Variants in SLC25A28 observed in about 807,000 individuals in gnomAD.
The protein encoded by SLC25A28 is solute carrier family 25 member 28.
A neutral mutation model predicts 31.9 loss-of-function variants in SLC25A28; 10 were observed. The observed-to-expected ratio is 0.31, with a 90% confidence interval of 0.19 to 0.53. The LOEUF is 0.53. Among genes scored for constraint, SLC25A28 ranks in the 20% least tolerant of loss-of-function variants. The pLI, the probability that SLC25A28 is intolerant of heterozygous loss-of-function variation, is 0.95. For missense variants in SLC25A28, 256 were observed against 490.3 expected, an observed-to-expected ratio of 0.52 and a Z score of 4.51; for synonymous variants, 208 against 203.6, an observed-to-expected ratio of 1.02 and a Z score of -0.19.
rs902176194 is a variant in SLC25A28, at chr10:99,611,958, C to T, written c.577+585G>A. Among the ~76,000 whole-genome samples the T allele has an allele frequency of 6.6e-6, 1 of 152,210 alleles. No individual in the cohort carries two copies. The highest frequency in any genetic ancestry group is 1.5e-5 in the Non-Finnish European group (1 of 68,032). On this transcript the variant is annotated intron_variant, in intron 3 of 3. Coordinates refer to ENST00000370495, the MANE Select transcript of SLC25A28 (RefSeq NM_031212.4). The surrounding 1 kb of genome is among the most constrained non-coding windows in gnomAD (Gnocchi z 5.5). ...GCTTCAGCTTAGCTTTGGCTCTTTCCACCCCATGGCCTTGCCCAGACAGAA... is the reference window on the plus strand; with the variant it reads ...GCTTCAGCTTAGCTTTGGCTCTTTCTACCCCATGGCCTTGCCCAGACAGAA...
upstream of SLC25A28, chr10:99,622,815 C>CAT (rs1221900962): frequency 2.2e-4 from 96 of 432,914 alleles, no homozygotes; most frequent in Non-Finnish European, 2.7e-4. Context: ...ATCTTTATTT[C>CAT]CCTTATTGCA....
the SLC25A28 span, chr10:99,652,137 CAT>C: frequency 1.7e-4 from 26 of 152,178 alleles, no homozygotes; most frequent in Non-Finnish European, 3.1e-4. Context: ...GCGTTCTTAT[CAT>C]GTGTGTACAT....
chr10:99,648,770 A>C, the SLC25A28 span, among the ~76,000 whole-genome samples: 5 of 150,040 alleles, frequency 3.3e-5, no homozygotes, highest in Admixed American at 3.3e-4. Flanking sequence ...TGTTGTATAG[A>C]AACACTACTG....
the SLC25A28 span, among the ~76,000 whole-genome samples, chr10:99,631,897 T>A: frequency 1.7e-4 from 19 of 114,920 alleles, 1 homozygote; most frequent in South Asian, 6.6e-4. Flanking sequence ...TTTTATTTTT[T>A]TTTTTTTTTT....
chr10:99,624,310 G>A (rs1296721986), upstream of SLC25A28, among the ~76,000 whole-genome samples: 1 of 147,766 alleles, frequency 6.8e-6, no homozygotes, highest in Non-Finnish European at 1.5e-5. Context: ...GCCCAAAATG[G>A]TCTTAGAACT....
intron 1 of SLC25A28, chr10:99,618,543 G>C (rs2034708658): frequency 1.0e-6 from 1 of 985,226 alleles, no homozygotes; most frequent in African/African-American, 1.7e-5. Flanking sequence ...TATAATGTGT[G>C]CATCTTTTTT....
intron 1 of SLC25A28, chr10:99,615,545 GGTTA>G (rs1168807782): frequency 3.0e-6 from 3 of 985,288 alleles, no homozygotes; most frequent in Non-Finnish European, 3.6e-6. Flanking sequence ...AAGCTTAAAA[GGTTA>G]GTTACTGGAT....
intron 1 of SLC25A28, chr10:99,618,240 T>C (rs1374339232): frequency 2.1e-6 from 2 of 962,932 alleles, no homozygotes; most frequent in Non-Finnish European, 2.5e-6. Context: ...TGTAAATATA[T>C]GGAGTAAGGA....
At chr10:99,618,432 C>T in intron 1 of SLC25A28, 1 of 985,450 alleles carries the variant, frequency 1.0e-6, no homozygotes, top group Non-Finnish European at 1.2e-6. Context: ...GCACTCTACT[C>T]ACAGTCTAAG....
the SLC25A28 span, among the ~76,000 whole-genome samples, chr10:99,634,368 G>T: frequency 2.0e-5 from 3 of 152,138 alleles, no homozygotes; most frequent in African/African-American, 7.2e-5. Context: ...CCAGAGAAAG[G>T]TGAAGCCCAG....
chr10:99,654,568 A>G, the SLC25A28 span, among the ~76,000 whole-genome samples: 1 of 152,016 alleles, frequency 6.6e-6, no homozygotes, highest in Non-Finnish European at 1.5e-5. Context: ...AGGCAGGAGG[A>G]TTGCTTGAGC....
intron 3 of SLC25A28, 110 bp downstream of exon 3, chr10:99,612,433 G>T: frequency 7.8e-7 from 1 of 1,279,188 alleles, no homozygotes; most frequent in Non-Finnish European, 1.1e-6. Flanking sequence ...CCCTCTAGTG[G>T]TAAAACAAGG....
chr10:99,645,246 T>C, the SLC25A28 span, among the ~76,000 whole-genome samples: 1 of 152,198 alleles, frequency 6.6e-6, no homozygotes, highest in Non-Finnish European at 1.5e-5. Context: ...GGAGGCTTTG[T>C]TAGTGGCTTT....
Position 99,613,577 on chromosome 10 carries a change from T to A in SLC25A28, c.520+119A>T. 1 of 1,543,726 alleles carries A rather than the reference T, an allele frequency of 6.5e-7. No individual in the cohort carries two copies. Among genetic ancestry groups the A allele is most frequent in the Non-Finnish European group, 8.7e-7 (1 of 1,145,464 alleles). On this transcript the variant is annotated intron_variant, in intron 2 of 3. Coordinates refer to ENST00000370495, the MANE Select transcript of SLC25A28 (RefSeq NM_031212.4). This position sits in a 1 kb window ranked among gnomAD's most constrained non-coding sequence, Gnocchi z 4.9. ...AGGTTTGGAAGTCCCTCCCTTATAA[T>A]CTGGCCTATCCCAGCCCAAAGCTTC...
At chr10:99,622,495 C>A (rs4919369), upstream of SLC25A28, among the ~76,000 whole-genome samples, 129,993 of 152,166 alleles carry the variant, frequency 0.85, 55,627 homozygotes, top group Middle Eastern at 0.92. Flanking sequence ...GACCTATCCA[C>A]CTCTATGTCC....
chr10:99,612,924 C>A (rs1453293750), intron 2 of SLC25A28, among the ~76,000 whole-genome samples: 2 of 152,178 alleles, frequency 1.3e-5, no homozygotes, highest in Admixed American at 1.3e-4. Flanking sequence ...CTAGGGATGC[C>A]AGCACATCAC....
chr10:99,635,553 C>T, the SLC25A28 span, among the ~76,000 whole-genome samples: 1 of 152,086 alleles, frequency 6.6e-6, no homozygotes, highest in Non-Finnish European at 1.5e-5. Context: ...TAGCACACAC[C>T]TGTAGTTCCA....
the SLC25A28 span, among the ~76,000 whole-genome samples, chr10:99,633,186 G>A: frequency 2.6e-5 from 4 of 151,860 alleles, no homozygotes; most frequent in African/African-American, 4.8e-5. Flanking sequence ...GAATCCCCAA[G>A]TTATCTGTGT....
chr10:99,621,905 A>G (rs1003464040), upstream of SLC25A28: 1 of 152,154 alleles, frequency 6.6e-6, no homozygotes, highest in African/African-American at 2.4e-5. Context: ...AAAACTACGA[A>G]TTCTCTTCTC....
Sources: allele counts gnomAD v4.1 joint callset (sites outside exome capture counted in the v4.1 genomes callset), GRCh38; gene constraint gnomAD v4.1.1; non-coding constraint Gnocchi (gnomAD v3.1); transcripts MANE v1.5; gene names NCBI Gene and HGNC (gene_info 2026-07-23, HGNC 2026-07-21).